Variants in HEMK2 observed in about 807,000 individuals in gnomAD.
HEMK2 encodes the protein methyltransferase HEMK2.
At chr21:28,692,309 A>T in the HEMK2 span, among the ~76,000 whole-genome samples, 1 of 152,156 alleles carries the variant, frequency 6.6e-6, no homozygotes, top group African/African-American at 2.4e-5. Context: ...AAGAGATACA[A>T]TCAGGGACAA....
At chr21:28,610,680 A>G in the HEMK2 span, among the ~76,000 whole-genome samples, 3 of 152,146 alleles carry the variant, frequency 2.0e-5, no homozygotes, top group Non-Finnish European at 4.4e-5. Context: ...ACTCACACAA[A>G]CTTAAGGTAA....
chr21:28,616,709 CA>C, the HEMK2 span, among the ~76,000 whole-genome samples: 2 of 152,026 alleles, frequency 1.3e-5, no homozygotes, highest in Non-Finnish European at 2.9e-5. Flanking sequence ...AAATATTTTC[CA>C]GATTGAATAT....
the HEMK2 span, among the ~76,000 whole-genome samples, chr21:28,848,528 CTAATT>C: frequency 6.6e-6 from 1 of 152,058 alleles, no homozygotes; most frequent in African/African-American, 2.4e-5. Context: ...CCTCTAGTAA[CTAATT>C]TAATTAAAAT....
At chr21:28,861,556 C>T in the HEMK2 span, among the ~76,000 whole-genome samples, 1 of 152,266 alleles carries the variant, frequency 6.6e-6, no homozygotes, top group Admixed American at 6.5e-5. Flanking sequence ...ATTACCAACA[C>T]TTTATGCAGT....
chr21:28,576,960 C>T, the HEMK2 span, among the ~76,000 whole-genome samples: 22 of 152,200 alleles, frequency 1.4e-4, no homozygotes, highest in African/African-American at 4.8e-4. Context: ...ATCCACCCGC[C>T]TCAGCTTCCC....
At chr21:28,711,678 G>C in the HEMK2 span, among the ~76,000 whole-genome samples, 3 of 152,264 alleles carry the variant, frequency 2.0e-5, no homozygotes, top group African/African-American at 7.2e-5. Context: ...CAATTTGACA[G>C]GGATCCAGAA....
the HEMK2 span, among the ~76,000 whole-genome samples, chr21:28,830,337 G>T: frequency 6.6e-6 from 1 of 152,200 alleles, no homozygotes; most frequent in Admixed American, 6.5e-5. Flanking sequence ...GTTTAAAGGT[G>T]TGTGGCACTT....
chr21:28,876,801 T>G, the HEMK2 span, among the ~76,000 whole-genome samples: 1 of 152,106 alleles, frequency 6.6e-6, no homozygotes, highest in Admixed American at 6.5e-5. Context: ...TTTAGTTGAT[T>G]GGCTCCAATC....
chr21:28,607,081 G>A, the HEMK2 span, among the ~76,000 whole-genome samples: 1 of 152,096 alleles, frequency 6.6e-6, no homozygotes, highest in East Asian at 1.9e-4. Flanking sequence ...ACGGGTGGAG[G>A]CTTAGTCAAT....
chr21:28,714,634 A>C, the HEMK2 span, among the ~76,000 whole-genome samples: 1 of 152,180 alleles, frequency 6.6e-6, no homozygotes, highest in African/African-American at 2.4e-5. Context: ...GGCCAAACAT[A>C]ATCTTCATTT....
the HEMK2 span, among the ~76,000 whole-genome samples, chr21:28,805,325 T>C: frequency 6.6e-6 from 1 of 152,164 alleles, no homozygotes; most frequent in African/African-American, 2.4e-5. Flanking sequence ...CACCCGCCCA[T>C]AAAATCCAGC....
At chr21:28,721,947 T>C in the HEMK2 span, among the ~76,000 whole-genome samples, 4 of 148,418 alleles carry the variant, frequency 2.7e-5, no homozygotes. Flanking sequence ...CATACACCTA[T>C]TTGATGCAAT....
chr21:28,883,935 A>AT, the HEMK2 span, among the ~76,000 whole-genome samples: 89 of 152,318 alleles, frequency 5.8e-4, 1 homozygote, highest in African/African-American at 2.1e-3. Context: ...TCCCCATTAA[A>AT]AAGATCAGCT....
chr21:28,582,138 G>A, the HEMK2 span, among the ~76,000 whole-genome samples: 1 of 152,174 alleles, frequency 6.6e-6, no homozygotes, highest in Non-Finnish European at 1.5e-5. Context: ...GAGGGTAATG[G>A]AAACTGGAAT....
the HEMK2 span, among the ~76,000 whole-genome samples, chr21:28,756,912 C>T: frequency 6.6e-6 from 1 of 152,178 alleles, no homozygotes; most frequent in Non-Finnish European, 1.5e-5. Context: ...GTAATCAATG[C>T]TATTTTCTAC....
the HEMK2 span, among the ~76,000 whole-genome samples, chr21:28,727,930 A>G: frequency 1.6e-4 from 25 of 152,230 alleles, no homozygotes; most frequent in South Asian, 6.2e-4. Flanking sequence ...GTGTGTATGC[A>G]TACACATAAT....
the HEMK2 span, among the ~76,000 whole-genome samples, chr21:28,632,280 T>A: frequency 7.7e-4 from 117 of 152,358 alleles, 1 homozygote; most frequent in Admixed American, 5.9e-4. Flanking sequence ...CTTATTAAAA[T>A]GCAGATTGTA....
chr21:28,712,030 T>C, the HEMK2 span, among the ~76,000 whole-genome samples: 79 of 152,158 alleles, frequency 5.2e-4, no homozygotes, highest in African/African-American at 1.9e-3. Flanking sequence ...CACATCATAA[T>C]ACCATCACCT....
At chr21:28,665,265 C>A in the HEMK2 span, among the ~76,000 whole-genome samples, 8 of 148,456 alleles carry the variant, frequency 5.4e-5, no homozygotes, top group Non-Finnish European at 1.2e-4. Context: ...AGAGAGAGAC[C>A]CTATTCCAAA....
Sources: allele counts gnomAD v4.1 joint callset (sites outside exome capture counted in the v4.1 genomes callset), GRCh38; gene constraint gnomAD v4.1.1; transcripts MANE v1.5; gene names NCBI Gene and HGNC (gene_info 2026-07-23, HGNC 2026-07-21).